GRHL2: variants seen among roughly 807,000 people sequenced by gnomAD.
GRHL2 encodes the protein grainyhead like transcription factor 2.
GRHL2 carries 21 observed loss-of-function variants against 83.8 expected under a neutral mutation model. The ratio of observed to expected loss-of-function variants is 0.25; its 90% CI spans 0.18 to 0.36. GRHL2 has a LOEUF of 0.36. GRHL2 is among the 10% of genes least tolerant of loss of function. GRHL2 has a pLI of 1.00. For synonymous variants in GRHL2, 280 were observed against 278.9 expected, an observed-to-expected ratio of 1.00 and a Z score of -0.04; for missense variants, 623 against 781.8, an observed-to-expected ratio of 0.80 and a Z score of 2.42.
intron 3 of GRHL2, among the ~76,000 whole-genome samples, chr8:101,557,254 T>G (rs1244032209): frequency 7.0e-6 from 1 of 142,448 alleles, no homozygotes; most frequent in Admixed American, 7.3e-5. Flanking sequence ...AGACAGAGTC[T>G]CGCTCTGTCC....
chr8:101,653,971 T>TAAG (rs1216748969), intron 14 of GRHL2, among the ~76,000 whole-genome samples: 2 of 152,220 alleles, frequency 1.3e-5, no homozygotes, highest in Non-Finnish European at 1.5e-5. Flanking sequence ...AGGATGGTAA[T>TAAG]AAGTCACCTT....
intron 9 of GRHL2, among the ~76,000 whole-genome samples, chr8:101,631,168 G>T (rs1402857329): frequency 2.0e-5 from 3 of 152,102 alleles, no homozygotes; most frequent in Non-Finnish European, 1.5e-5. Flanking sequence ...TTCCACCACT[G>T]TAATAATTTT....
intron 9 of GRHL2, among the ~76,000 whole-genome samples, chr8:101,629,377 A>G (rs1264608471): frequency 6.6e-6 from 1 of 151,986 alleles, no homozygotes; most frequent in Non-Finnish European, 1.5e-5. Context: ...GCTATTGCAC[A>G]CTTGATATAG....
At chr8:101,577,816 C>T (rs773197146) in intron 7 of GRHL2, among the ~76,000 whole-genome samples, 3 of 152,210 alleles carry the variant, frequency 2.0e-5, no homozygotes, top group Non-Finnish European at 4.4e-5. Flanking sequence ...ATGGCCTCCC[C>T]GTTTGAGCCT....
Position 101,599,149 on chromosome 8 carries a change from A to C in GRHL2, c.1096A>C (p.Lys366Gln). The C allele has an allele frequency of 6.3e-7, 1 of 1,590,828 alleles. No homozygotes were observed. Among genetic ancestry groups the C allele is most frequent in the East Asian group, 2.2e-5 (1 of 44,760 alleles). Residue 366 changes from lysine to glutamine, a missense_variant and splice_region_variant, in exon 8 of 16, where the codon AAG becomes CAG. Around this residue, in one of 8 missense-constraint regions of GRHL2, gnomAD observed 96 missense variants for 144.8 expected, o/e 0.66. Coordinates refer to ENST00000646743, the MANE Select transcript of GRHL2 (RefSeq NM_024915.4). The part of the protein sequence containing the change: ...SFTWDVNEEA[K>Q]IFITVNCLST... ...TACCTGGGACGTGAATGAAGAGGCG[A>C]AGGTGAGTGACATTGATTCATTGTT... is the stretch of plus-strand genomic sequence containing the variant.
At position 101,603,586 on chromosome 8, in the gene GRHL2, A is replaced by C. The variant is rs531373275; in HGVS notation, c.1098+4435A>C. Among the ~76,000 whole-genome samples the C allele has an allele frequency of 3.3e-5, 5 of 152,348 alleles. No homozygotes were observed. The East Asian group carries it at 7.7e-4, about 23-fold the overall frequency. ...GAAGGTGTTAAAGCTATTAGTTAAAATGAGGTTTGGGGATTAATTCCAGAT... is the reference window on the plus strand; with the variant it reads ...GAAGGTGTTAAAGCTATTAGTTAAACTGAGGTTTGGGGATTAATTCCAGAT... On this transcript the variant is annotated intron_variant, in intron 8 of 15. Transcript: ENST00000646743.
intron 8 of GRHL2, among the ~76,000 whole-genome samples, chr8:101,608,770 CACACACA>C (rs1563605565): frequency 1.0e-4 from 13 of 128,338 alleles, no homozygotes; most frequent in South Asian, 2.6e-4. Context: ...CACACACACA[CACACACA>C]CCTACACCTC....
chr8:101,563,248 A>G (rs1811642899), intron 4 of GRHL2, among the ~76,000 whole-genome samples: 1 of 152,248 alleles, frequency 6.6e-6, no homozygotes, highest in African/African-American at 2.4e-5. Flanking sequence ...ATATGACTAC[A>G]CACTCAGAGA....
intron 14 of GRHL2, among the ~76,000 whole-genome samples, chr8:101,653,032 G>A (rs942286709): frequency 1.2e-4 from 18 of 152,296 alleles, no homozygotes; most frequent in Non-Finnish European, 2.1e-4. Context: ...ATGGGGCTGT[G>A]GAAATGGTGC....
At chr8:101,673,898 G>A (rs180930255), downstream of GRHL2, among the ~76,000 whole-genome samples, 297 of 152,240 alleles carry the variant, frequency 2.0e-3, no homozygotes, top group African/African-American at 6.7e-3. Context: ...TCAGGACTAA[G>A]AAACTCATTC....
intron 1 of GRHL2, among the ~76,000 whole-genome samples, chr8:101,493,335 G>T (rs1187096555): frequency 6.6e-6 from 1 of 152,154 alleles, no homozygotes; most frequent in African/African-American, 2.4e-5. Context: ...GCGCGCCCGC[G>T]TGTGGCCCCG....
intron 7 of GRHL2, among the ~76,000 whole-genome samples, chr8:101,594,369 G>A (rs1056543016): frequency 1.8e-4 from 27 of 152,180 alleles, no homozygotes; most frequent in Middle Eastern, 3.4e-3. Flanking sequence ...TACAACATTC[G>A]GGTTTGAGAA....
intron 12 of GRHL2, 56 bp from the exon 13 acceptor site, chr8:101,644,075 C>T (rs1051629222): frequency 2.4e-5 from 34 of 1,404,730 alleles, no homozygotes; most frequent in Middle Eastern, 1.8e-4. Flanking sequence ...CACATGTGAA[C>T]GTGTGTTTTG....
At chr8:101,528,932 G>A (rs926993280) in intron 1 of GRHL2, 83 of 293,146 alleles carry the variant, frequency 2.8e-4, no homozygotes, top group African/African-American at 1.5e-3. Flanking sequence ...CTAGCTGCCC[G>A]GGCAGTTTTC....
intron 4 of GRHL2, among the ~76,000 whole-genome samples, chr8:101,563,539 G>C (rs1563582204): frequency 6.6e-6 from 1 of 152,078 alleles, no homozygotes; most frequent in African/African-American, 2.4e-5. Context: ...GAATCAGGGA[G>C]TGATGAAAGT....
intron 12 of GRHL2, among the ~76,000 whole-genome samples, chr8:101,643,914 C>T (rs1403529662): frequency 1.3e-5 from 2 of 152,206 alleles, no homozygotes; most frequent in South Asian, 2.1e-4. Flanking sequence ...GTGGGAAGCA[C>T]GTGTTAAGTC....
intron 2 of GRHL2, among the ~76,000 whole-genome samples, chr8:101,548,486 A>C (rs1811311556): frequency 6.6e-6 from 1 of 152,220 alleles, no homozygotes; most frequent in Non-Finnish European, 1.5e-5. Flanking sequence ...ACATGCACAG[A>C]CCAGGACAGA....
rs984210284 is a variant in GRHL2, at chr8:101,590,841, C to T, written c.1004-8216C>T. Among the ~76,000 whole-genome samples the T allele has an allele frequency of 2.0e-5, 3 of 152,304 alleles. No individual in the cohort carries two copies. In the South Asian group the frequency reaches 6.2e-4, roughly 32 times the overall value. ...TGTGCCCAGAGCCATTTTCAGCATTCCAGCTTCATTATTTCACTAGTCCAG... is the reference window on the plus strand; with the variant it reads ...TGTGCCCAGAGCCATTTTCAGCATTTCAGCTTCATTATTTCACTAGTCCAG... On this transcript the variant is annotated intron_variant, in intron 7 of 15. Transcript: ENST00000646743.
chr8:101,564,812 CAAAAAAAAA>C (rs3035637), intron 4 of GRHL2, among the ~76,000 whole-genome samples: 1 of 109,776 alleles, frequency 9.1e-6, no homozygotes. Context: ...GCCCTGTCTC[CAAAAAAAAA>C]AAAAAAAAAC....
Sources: allele counts gnomAD v4.1 joint callset (sites outside exome capture counted in the v4.1 genomes callset), GRCh38; gene constraint gnomAD v4.1.1; regional missense constraint gnomAD v4.1.1; transcripts MANE v1.5; gene names NCBI Gene and HGNC (gene_info 2026-07-23, HGNC 2026-07-21).